The following UBE2D2 variants were observed in gnomAD, a reference collection of about 807,000 sequenced individuals.
UBE2D2 encodes ubiquitin conjugating enzyme E2 D2.
UBE2D2 carries 2 observed loss-of-function variants against 24.2 expected under a neutral mutation model. The ratio of observed to expected loss-of-function variants is 0.08; its 90% confidence interval spans 0.03 to 0.26. The LOEUF is 0.26. Ranked by LOEUF, UBE2D2 falls within the 10% of genes least tolerant of loss-of-function variation. The probability of loss-of-function intolerance (pLI) is 1.00; values close to 1 mark genes in which losing one functional copy is unlikely to be tolerated. For synonymous variants in UBE2D2, 58 were observed against 56.5 expected, an observed-to-expected ratio of 1.03 and a Z score of -0.12; for missense variants, 44 against 177.6, an observed-to-expected ratio of 0.25 and a Z score of 4.28.
At chr5:139,625,114 G>A (rs1026469880) in intron 6 of UBE2D2, among the ~76,000 whole-genome samples, 3 of 149,336 alleles carry the variant, frequency 2.0e-5, no homozygotes, top group Admixed American at 1.3e-4. Context: ...CTGGAGTACA[G>A]TGGCACAATC....
intron 2 of UBE2D2, among the ~76,000 whole-genome samples, chr5:139,602,342 G>A (rs1438853572): frequency 6.6e-6 from 1 of 152,190 alleles, no homozygotes; most frequent in Non-Finnish European, 1.5e-5. Flanking sequence ...GTGAGCTACT[G>A]CGCCTGGCCT....
rs1451453648 is a variant in UBE2D2 at position 139,575,688 on chromosome 5, A to G, written c.24+13873A>G. On this transcript the variant is annotated intron_variant, in intron 1 of 6. Coordinates refer to ENST00000398733, the MANE Select transcript of UBE2D2 (RefSeq NM_003339.3). ...GTAATGCATCATGCCAATATAAGTGATAGAATTGCTTTGCTAAATTCTTAA... is the reference window on the plus strand; with the variant it reads ...GTAATGCATCATGCCAATATAAGTGGTAGAATTGCTTTGCTAAATTCTTAA... Among the ~76,000 whole-genome samples the G allele has an allele frequency of 2.0e-5, 3 of 152,230 alleles. No homozygotes were observed. In the East Asian group the frequency reaches 5.8e-4, roughly 29 times the overall value.
At chr5:139,623,522 C>T in intron 6 of UBE2D2, 61 bp downstream of exon 6, 2 of 1,425,928 alleles carry the variant, frequency 1.4e-6, no homozygotes, top group Non-Finnish European at 2.0e-6. Context: ...TGTCACAAAT[C>T]TTTCTTGTTT....
intron 5 of UBE2D2, among the ~76,000 whole-genome samples, chr5:139,622,351 T>C (rs1037033870): frequency 3.3e-5 from 5 of 151,188 alleles, no homozygotes; most frequent in African/African-American, 1.2e-4. Context: ...TTCAAGCGAT[T>C]CTCCAGCCTC....
intron 1 of UBE2D2, among the ~76,000 whole-genome samples, chr5:139,528,048 C>A (rs1262560493): frequency 1.3e-5 from 2 of 152,240 alleles, no homozygotes; most frequent in East Asian, 3.8e-4. Flanking sequence ...ATCCCAAAGT[C>A]TCTGCGGGTC....
intron 5 of UBE2D2, among the ~76,000 whole-genome samples, chr5:139,622,969 C>T (rs771293301): frequency 5.9e-5 from 9 of 152,068 alleles, no homozygotes; most frequent in Non-Finnish European, 8.8e-5. Context: ...TTTGGGAGGC[C>T]GAGGCGGGTG....
intron 1 of UBE2D2, among the ~76,000 whole-genome samples, chr5:139,539,249 C>A (rs894672603): frequency 1.3e-5 from 2 of 151,914 alleles, no homozygotes; most frequent in African/African-American, 4.8e-5. Flanking sequence ...GGTCTCGAAA[C>A]CCTGACCTCA....
Position 139,546,105 on chromosome 5 carries a change from G to A in UBE2D2, c.-64+19493G>A, listed in dbSNP as rs184111429. On this transcript the variant is annotated intron_variant, in intron 1 of 6. Transcript: ENST00000511725. ...GTGACCCAGGCTGGAGTGCAATGGC[G>A]TGATCTTGGCTCACTGCAACCTCCT... Among the ~76,000 whole-genome samples, 345 of 151,858 alleles carry A rather than the reference G, an allele frequency of 2.3e-3. 2 individuals are homozygous for A. The highest frequency in any genetic ancestry group is 7.8e-3 in the African/African-American group (322 of 41,438).
chr5:139,575,324 CATG>C (rs1753444289), intron 1 of UBE2D2, among the ~76,000 whole-genome samples: 1 of 152,058 alleles, frequency 6.6e-6, no homozygotes, highest in African/African-American at 2.4e-5. Flanking sequence ...TAAATATTAT[CATG>C]GTGTCTTAAC....
chr5:139,587,949 G>C (rs748009488), intron 1 of UBE2D2, among the ~76,000 whole-genome samples: 1 of 152,060 alleles, frequency 6.6e-6, no homozygotes, highest in East Asian at 1.9e-4. Context: ...TGCGAGCCCC[G>C]TATTTAAAGG....
rs1300392660 is a variant in UBE2D2 at position 139,561,451 on chromosome 5, C to T, written c.-341C>T. 2 of 291,918 alleles carry T rather than the reference C, an allele frequency of 6.9e-6. No homozygotes were observed. Among genetic ancestry groups the T allele is most frequent in the Non-Finnish European group, 1.3e-5 (2 of 157,076 alleles). The allele number at this position is 291,918 out of a possible 1,614,324, so 18.1% of individuals were successfully genotyped here. A position where few individuals can be genotyped will look rare whatever the true frequency, so the allele number is the denominator to read the frequency against. On this transcript the variant is annotated 5_prime_UTR_variant, in exon 1 of 7. Coordinates refer to ENST00000398733, the MANE Select transcript of UBE2D2 (RefSeq NM_003339.3). ...TCCGACCAAGAGAGGCCGGCCGAGC[C>T]CGAGGCTTGGGCTTTTGCTTTCTGG...
intron 1 of UBE2D2, among the ~76,000 whole-genome samples, chr5:139,573,832 G>T (rs771887699): frequency 6.6e-6 from 1 of 152,098 alleles, no homozygotes; most frequent in African/African-American, 2.4e-5. Context: ...TTAGCCAGGT[G>T]TGGTGGCGGG....
At chr5:139,546,817 T>TCTTTCTTTCTTTCTTCCTTCCTTC (rs1203962652) in intron 1 of UBE2D2, among the ~76,000 whole-genome samples, 56 of 138,382 alleles carry the variant, frequency 4.0e-4, no homozygotes, top group Non-Finnish European at 7.3e-4. Context: ...CTTCTTTCTT[T>TCTTTCTTTCTTTCTTCCTTCCTTC]CTTCCTTCCT....
intron 1 of UBE2D2, 193 bp downstream of exon 1, chr5:139,562,008 C>T (rs1753111408): frequency 2.2e-6 from 2 of 903,406 alleles, no homozygotes; most frequent in Admixed American, 3.5e-5. Flanking sequence ...GCGCTTAGGC[C>T]GGAGGTGCTC....
chr5:139,610,370 G>A (rs1315523453), intron 2 of UBE2D2, among the ~76,000 whole-genome samples: 3 of 151,424 alleles, frequency 2.0e-5, no homozygotes, highest in East Asian at 3.9e-4. Context: ...GTGAAACCCC[G>A]TCTCTACTAA....
chr5:139,543,041 C>A (rs1389516215), intron 1 of UBE2D2, among the ~76,000 whole-genome samples: 1 of 152,076 alleles, frequency 6.6e-6, no homozygotes, highest in Non-Finnish European at 1.5e-5. Flanking sequence ...GGACTACAGG[C>A]GCGCGCCACC....
intron 1 of UBE2D2, among the ~76,000 whole-genome samples, chr5:139,549,316 C>A (rs1752874264): frequency 6.6e-6 from 1 of 152,174 alleles, no homozygotes; most frequent in Non-Finnish European, 1.5e-5. Flanking sequence ...CCGGAGCCAG[C>A]TCCCTCTGCT....
chr5:139,621,563 A>G (rs1217616646), intron 5 of UBE2D2, among the ~76,000 whole-genome samples: 1 of 152,040 alleles, frequency 6.6e-6, no homozygotes, highest in African/African-American at 2.4e-5. Context: ...ACTGGAAAAC[A>G]GTGATTGTTG....
At chr5:139,562,308 A>G in intron 1 of UBE2D2, 1 of 1,350,614 alleles carries the variant, frequency 7.4e-7, no homozygotes, top group Non-Finnish European at 9.8e-7. Context: ...ATCCACAAGT[A>G]TATCCTGAGT....
Sources: allele counts gnomAD v4.1 joint callset (sites outside exome capture counted in the v4.1 genomes callset), GRCh38; gene constraint gnomAD v4.1.1; transcripts MANE v1.5; gene names NCBI Gene and HGNC (gene_info 2026-07-23, HGNC 2026-07-21).